The following DCLK2 variants were observed in gnomAD, a reference collection of about 807,000 sequenced individuals.
DCLK2 encodes the protein serine/threonine-protein kinase DCLK2.
A neutral mutation model predicts 78.4 loss-of-function variants in DCLK2; 31 were observed. The observed-to-expected ratio is 0.40, with a 90% CI of 0.30 to 0.53. The LOEUF is 0.53. Ranked by LOEUF, DCLK2 falls within the 20% of genes least tolerant of loss-of-function variation. The probability of loss-of-function intolerance (pLI) is 0.61; values close to 1 mark genes in which losing one functional copy is unlikely to be tolerated. For synonymous variants in DCLK2, 407 were observed against 374.9 expected, an observed-to-expected ratio of 1.09 and a Z score of -0.99; for missense variants, 872 against 973.7, an observed-to-expected ratio of 0.90 and a Z score of 1.39.
chr4:150,125,940 A>C (rs71618339), intron 2 of DCLK2, among the ~76,000 whole-genome samples: 1 of 144,100 alleles, frequency 6.9e-6, no homozygotes, highest in African/African-American at 2.7e-5. Context: ...GCATGTAGAC[A>C]ATACTATAAA....
intron 2 of DCLK2, among the ~76,000 whole-genome samples, chr4:150,106,842 A>G (rs560285435): frequency 1.3e-5 from 2 of 152,304 alleles, no homozygotes; most frequent in South Asian, 4.2e-4. Context: ...CAATGACTCC[A>G]TTTACAAGGT....
intron 2 of DCLK2, among the ~76,000 whole-genome samples, chr4:150,136,979 C>CTTTTTTTTTTTTT (rs35729685): frequency 4.2e-4 from 35 of 82,402 alleles, no homozygotes; most frequent in South Asian, 6.4e-4. Flanking sequence ...TCTTCTTCTT[C>CTTTTTTTTTTTTT]TTTTTTTTTT....
At chr4:150,221,638 T>C in intron 6 of DCLK2, 39 bp from the exon 7 acceptor site, 1 of 1,340,486 alleles carries the variant, frequency 7.5e-7, no homozygotes, top group Non-Finnish European at 1.0e-6. Flanking sequence ...TATAAAATGC[T>C]GATGTTTTCT....
chr4:150,237,671 T>G (rs999860591), intron 10 of DCLK2, among the ~76,000 whole-genome samples: 3 of 152,156 alleles, frequency 2.0e-5, no homozygotes, highest in African/African-American at 7.2e-5. Flanking sequence ...GATGACTATT[T>G]AAATCACTCC....
intron 4 of DCLK2, among the ~76,000 whole-genome samples, chr4:150,201,619 G>C (rs1404469327): frequency 6.6e-6 from 1 of 152,162 alleles, no homozygotes; most frequent in Non-Finnish European, 1.5e-5. Context: ...TGTATAAGGA[G>C]ACTGATCTAC....
intron 2 of DCLK2, among the ~76,000 whole-genome samples, chr4:150,170,493 C>A (rs967372603): frequency 3.3e-5 from 5 of 152,180 alleles, no homozygotes; most frequent in Non-Finnish European, 7.3e-5. Context: ...CAGTTCACAA[C>A]AAGCTAAACA....
intron 12 of DCLK2, among the ~76,000 whole-genome samples, chr4:150,243,486 A>C (rs1560904729): frequency 6.6e-6 from 1 of 152,256 alleles, no homozygotes; most frequent in African/African-American, 2.4e-5. Flanking sequence ...GGTACTTTAA[A>C]TTACGGTAAA....
rs76393648 is a variant in DCLK2 at position 150,199,344 on chromosome 4, G to A, written c.961+1241G>A. ...CTGAGGAGGCACATCACCGCAAGGG[G>A]TCCATCTTCTAGTTAATTTGGAGCA... On this transcript the variant is annotated intron_variant, in intron 4 of 15. Transcript: ENST00000296550. 6.9e-3 allele frequency among the ~76,000 whole-genome samples: 1,050 copies of A among 152,276 alleles called. 5 individuals carry two copies. The highest frequency in any genetic ancestry group is 0.011 in the Non-Finnish European group (777 of 68,036).
rs544993030 is a variant in DCLK2 at position 150,126,671 on chromosome 4, G to T, written c.756+23859G>T. On this transcript the variant is annotated intron_variant, in intron 2 of 15. Coordinates refer to ENST00000296550, the MANE Select transcript of DCLK2 (RefSeq NM_001040260.4). ...TAGACTTACAAAAATTGCACAAATT[G>T]TACACAGAGATTATATATGCCCTCC... Among the ~76,000 whole-genome samples the T allele has an allele frequency of 2.0e-5, 3 of 152,272 alleles. No individual in the cohort carries two copies. In the South Asian group the frequency reaches 6.2e-4, roughly 32 times the overall value.
chr4:150,120,319 CA>C (rs1423394789), intron 2 of DCLK2, among the ~76,000 whole-genome samples: 1 of 152,078 alleles, frequency 6.6e-6, no homozygotes, highest in African/African-American at 2.4e-5. Flanking sequence ...TATATGTGAC[CA>C]GCTAGTTTGC....
At chr4:150,218,265 G>A (rs1740897451) in intron 5 of DCLK2, among the ~76,000 whole-genome samples, 1 of 152,122 alleles carries the variant, frequency 6.6e-6, no homozygotes, top group Non-Finnish European at 1.5e-5. Context: ...TGTAATTGCT[G>A]AGCTATATAG....
chr4:150,090,810 T>C (rs955388750), intron 1 of DCLK2, among the ~76,000 whole-genome samples: 2 of 152,192 alleles, frequency 1.3e-5, no homozygotes, highest in Non-Finnish European at 2.9e-5. Context: ...GATGTGACTT[T>C]AGGAGATGAT....
chr4:150,102,521 C>T lies in DCLK2; in HGVS notation c.465C>T (p.Val155=), dbSNP rs183714103. 3.7e-5 allele frequency: 59 copies of T among 1,613,888 alleles called. No homozygotes were observed. In the Admixed American group the frequency reaches 8.2e-4, roughly 22 times the overall value. The change falls in exon 2 of 16, where the codon GTC becomes GTT. Residue 155 remains valine (V), a synonymous_variant. Transcript: ENST00000296550. ...CATCCAATGAACCATTTCGTAAAGT[C>T]GATTACACCAAAAATATTAATCCAA... The part of the protein sequence containing the change: ...VCASNEPFRK[V]DYTKNINPNW...
chr4:150,171,231 A>G (rs1190967574), intron 2 of DCLK2, among the ~76,000 whole-genome samples: 1 of 152,252 alleles, frequency 6.6e-6, no homozygotes. Context: ...CTGTAATCCC[A>G]GCACTTTGGG....
chr4:150,107,838 A>G (rs1731384272), intron 2 of DCLK2, among the ~76,000 whole-genome samples: 1 of 152,070 alleles, frequency 6.6e-6, no homozygotes, highest in Non-Finnish European at 1.5e-5. Flanking sequence ...GGGCATGGTG[A>G]TGTTTGCCTG....
rs1732018788 is a variant in DCLK2, at chr4:150,115,554, T to C, written c.756+12742T>C. Among the ~76,000 whole-genome samples the C allele has an allele frequency of 3.9e-5, 6 of 152,198 alleles. 1 individual carries two copies. The South Asian group carries it at 1.2e-3, about 32-fold the overall frequency. On this transcript the variant is annotated intron_variant, in intron 2 of 15. Transcript: ENST00000296550. The stretch of plus-strand genomic sequence containing the variant: ...GTGGGGTTTTTTTTTCCCTTGAGAA[T>C]GTGACTTTAATGTTTATTGTAGCCT...
At chr4:150,185,485 G>A (rs755280360) in intron 2 of DCLK2, among the ~76,000 whole-genome samples, 2 of 151,868 alleles carry the variant, frequency 1.3e-5, no homozygotes, top group East Asian at 1.9e-4. Context: ...AGGCCAATGC[G>A]GGCGGATCAC....
chr4:150,248,579 C>T (rs1263406172), intron 14 of DCLK2, among the ~76,000 whole-genome samples, 194 bp downstream of exon 14: 2 of 152,236 alleles, frequency 1.3e-5, no homozygotes, highest in African/African-American at 4.8e-5. Context: ...CAGTCTTAGA[C>T]CCTGCCCCGC....
intron 15 of DCLK2, chr4:150,254,431 AGGCCAT>A (rs1744417527): frequency 5.0e-6 from 2 of 398,780 alleles, no homozygotes. Flanking sequence ...GCTAGGTCCA[AGGCCAT>A]GGTATGTACT....
Sources: gnomAD v4.1 joint callset for allele counts (sites outside exome capture counted in the v4.1 genomes callset) on GRCh38, gnomAD v4.1.1 for gene constraint, MANE v1.5 for transcripts, NCBI Gene and HGNC (gene_info 2026-07-23, HGNC 2026-07-21) for gene names.